The following HIPK2 variants were observed in gnomAD, a reference collection of about 807,000 sequenced individuals.
HIPK2 encodes homeodomain-interacting protein kinase 2.
In HIPK2, 27 loss-of-function variants were observed where a neutral mutation model predicts 113.7. The ratio of observed to expected loss-of-function variants is 0.24; its 90% CI spans 0.17 to 0.33. The LOEUF (loss-of-function observed/expected upper bound fraction) is 0.33, where lower values mean the gene tolerates loss of function less well. Among genes scored for constraint, HIPK2 ranks in the 10% least tolerant of loss-of-function variants. The pLI is 1.00. For missense variants in HIPK2, 1,257 were observed against 1,588.0 expected (o/e 0.79, Z 3.54); for synonymous variants, 631 against 642.2 (o/e 0.98, Z 0.26).
intron 2 of HIPK2, among the ~76,000 whole-genome samples, chr7:139,656,606 T>C (rs1222217216): frequency 6.6e-6 from 1 of 152,166 alleles, no homozygotes; most frequent in Non-Finnish European, 1.5e-5. Context: ...TCCCACAGCT[T>C]TCCTCAAGAA....
At chr7:139,596,385 T>C (rs145200015) in intron 12 of HIPK2, among the ~76,000 whole-genome samples, 1 of 152,202 alleles carries the variant, frequency 6.6e-6, no homozygotes, top group Admixed American at 6.5e-5. Context: ...ATAAATTCAC[T>C]AGCTTGAGGC....
At chr7:139,626,391 C>T (rs1800431196) in intron 6 of HIPK2, among the ~76,000 whole-genome samples, 1 of 152,166 alleles carries the variant, frequency 6.6e-6, no homozygotes, top group Non-Finnish European at 1.5e-5. Context: ...GCATGAGACA[C>T]CACGCCCAGC....
chr7:139,572,786 C>CCCT lies in HIPK2; in HGVS notation c.*140_*141insAGG. On this transcript the variant is annotated 3_prime_UTR_variant, in exon 15 of 15. Coordinates refer to ENST00000406875, the MANE Select transcript of HIPK2 (RefSeq NM_022740.5). ...TCTGCCCCCCCCCCCCCCCCCGCCCCTGCCCCGTTTGCATTGTTTGTGTGC... is the reference window on the plus strand; with the variant it reads ...TCTGCCCCCCCCCCCCCCCCCGCCCCCCTTGCCCCGTTTGCATTGTTTGTGTGC... 1 of 212,826 alleles carries CCCT rather than the reference C, an allele frequency of 4.7e-6. No homozygotes were observed. Among genetic ancestry groups the CCCT allele is most frequent in the Non-Finnish European group, 8.9e-6 (1 of 112,786 alleles). 13.2% of individuals were successfully genotyped at this position (212,826 alleles called of 1,614,324 possible).
rs1798345088 is a variant in HIPK2, at chr7:139,572,910, TC to T, written c.*16del. ...GCCATTCTCTCCCTCCCTCCCTCCC[TC>T]CCTCCCCTCCAGTGTTTATATGTAA... On this transcript the variant is annotated 3_prime_UTR_variant, in exon 15 of 15. Transcript: ENST00000406875. 1 of 217,222 alleles carries T rather than the reference TC, an allele frequency of 4.6e-6. No homozygotes were observed. Among genetic ancestry groups the T allele is most frequent in the South Asian group, 4.8e-5 (1 of 20,714 alleles). The allele number at this position is 217,222 out of a possible 1,614,324, so 13.5% of individuals were successfully genotyped here.
rs1033644045 is a variant in HIPK2 at position 139,631,914 on chromosome 7, G to A, written c.1104-189C>T. 2 of 252,356 alleles carry A rather than the reference G, an allele frequency of 7.9e-6. No individual in the cohort carries two copies. The highest frequency in any genetic ancestry group is 4.7e-5 in the African/African-American group (2 of 42,982). The allele number at this position is 252,356 out of a possible 1,614,324, so 15.6% of individuals were successfully genotyped here. A position where few individuals can be genotyped will look rare whatever the true frequency, so the allele number is the denominator to read the frequency against. On this transcript the variant is annotated intron_variant, in intron 2 of 14. Coordinates refer to ENST00000406875, the MANE Select transcript of HIPK2 (RefSeq NM_022740.5). This position sits in a 1 kb window ranked among gnomAD's most constrained non-coding sequence, Gnocchi z 4.9. ...TGGCTTGGTCCCCTCCATTAGTGGA[G>A]GGCCCACTTGGAAGGTTGGCTGAGA... is the stretch of plus-strand genomic sequence containing the variant.
chr7:139,653,760 T>TCTCG (rs1231431007), intron 2 of HIPK2, among the ~76,000 whole-genome samples: 1 of 150,842 alleles, frequency 6.6e-6, no homozygotes, highest in African/African-American at 2.4e-5. Flanking sequence ...TGAGATGGAG[T>TCTCG]CTCGCTCTGT....
intron 2 of HIPK2, among the ~76,000 whole-genome samples, chr7:139,706,416 G>A (rs1231340969): frequency 4.6e-5 from 7 of 152,170 alleles, no homozygotes; most frequent in South Asian, 2.1e-4. Flanking sequence ...GAGGGTTTCC[G>A]GTGGGTGACG....
rs1316586391 is a variant in HIPK2, at chr7:139,716,851, G to A, written c.184C>T (p.Pro62Ser). Residue 62 changes from proline (P) to serine (S), a missense_variant, in exon 2 of 15, where the codon CCA becomes TCA. Coordinates refer to ENST00000406875, the MANE Select transcript of HIPK2 (RefSeq NM_022740.5). The surrounding 1 kb of genome is among the most constrained non-coding windows in gnomAD (Gnocchi z 9.3). ...SQSKNIPLSQ[P>S]ATTTVSTSLP... ...GAGGTGCTGACGGTTGTGGTGGCTG[G>A]CTGCGACAGGGGGATGTTCTTGCTC... 2 of 1,613,772 alleles carry A rather than the reference G, an allele frequency of 1.2e-6. No individual in the cohort carries two copies. The highest frequency in any genetic ancestry group is 2.7e-5 in the African/African-American group (2 of 74,870).
At chr7:139,600,103 C>T (rs1799366112) in intron 11 of HIPK2, among the ~76,000 whole-genome samples, 1 of 152,156 alleles carries the variant, frequency 6.6e-6, no homozygotes, top group African/African-American at 2.4e-5. Context: ...CGACACCCCC[C>T]AACCCTGCCT....
intron 2 of HIPK2, among the ~76,000 whole-genome samples, chr7:139,660,877 C>T (rs1369250274): frequency 6.6e-6 from 1 of 152,168 alleles, no homozygotes; most frequent in Non-Finnish European, 1.5e-5. Flanking sequence ...GGTATGAGCA[C>T]AAAAGGGGAG....
At chr7:139,688,962 A>G (rs1442764607) in intron 2 of HIPK2, among the ~76,000 whole-genome samples, 1 of 152,212 alleles carries the variant, frequency 6.6e-6, no homozygotes, top group African/African-American at 2.4e-5. Flanking sequence ...TTCCAGTCTT[A>G]CTAAGAGTTT....
In HIPK2 at chr7:139,600,610, G is replaced by A. The variant is rs766822131; in HGVS notation, c.2256-14C>T. The A allele has an allele frequency of 4.3e-6, 7 of 1,612,770 alleles. No individual in the cohort carries two copies. Among genetic ancestry groups the A allele is most frequent in the Admixed American group, 3.3e-5 (2 of 59,974 alleles). ...GCATGCGTATTTCTGAAAGGCAACC[G>A]GGACAACAAGGTGCCTTAGAGGTGT... is the stretch of plus-strand genomic sequence containing the variant. On this transcript the variant is annotated splice_polypyrimidine_tract_variant and intron_variant, in intron 10 of 14. Coordinates refer to ENST00000406875, the MANE Select transcript of HIPK2 (RefSeq NM_022740.5).
intron 1 of HIPK2, among the ~76,000 whole-genome samples, chr7:139,769,383 C>G (rs1178988651): frequency 6.6e-6 from 1 of 152,220 alleles, no homozygotes; most frequent in Admixed American, 6.5e-5. Context: ...CTATTATACC[C>G]AGGCCAGTAA....
chr7:139,572,729 T>A lies in HIPK2; in HGVS notation c.*198A>T. The A allele has an allele frequency of 2.0e-6, 1 of 500,292 alleles. No individual in the cohort carries two copies. Among genetic ancestry groups the A allele is most frequent in the Non-Finnish European group, 3.4e-6 (1 of 291,270 alleles). The allele number at this position is 500,292 out of a possible 1,614,324, so 31.0% of individuals were successfully genotyped here. Reference sequence around the variant, plus strand: ...ACGTCCTCCCACTTCCCGGTTCAAGTTTCACTGGTGTCCCGACCCGTCCCC... The same window carrying A: ...ACGTCCTCCCACTTCCCGGTTCAAGATTCACTGGTGTCCCGACCCGTCCCC... On this transcript the variant is annotated 3_prime_UTR_variant, in exon 15 of 15. Coordinates refer to ENST00000406875, the MANE Select transcript of HIPK2 (RefSeq NM_022740.5).
intron 2 of HIPK2, among the ~76,000 whole-genome samples, chr7:139,684,695 C>A (rs760008296): frequency 5.3e-5 from 8 of 152,112 alleles, no homozygotes; most frequent in Non-Finnish European, 1.2e-4. Flanking sequence ...CCAGCCTGGA[C>A]AACAGAGAGA....
At chr7:139,634,395 G>A (rs1157092563) in intron 2 of HIPK2, among the ~76,000 whole-genome samples, 1 of 151,984 alleles carries the variant, frequency 6.6e-6, no homozygotes, top group Non-Finnish European at 1.5e-5. Flanking sequence ...ATTGTCAGGG[G>A]CCACTCTTAC....
At chr7:139,668,126 C>CAAA (rs35566561) in intron 2 of HIPK2, among the ~76,000 whole-genome samples, 3 of 55,658 alleles carry the variant, frequency 5.4e-5, no homozygotes, top group South Asian at 1.0e-3. Context: ...AACTCCATCT[C>CAAA]AAAAAAAAAA....
chr7:139,753,462 C>T (rs10281682), intron 1 of HIPK2, among the ~76,000 whole-genome samples: 9,596 of 152,040 alleles, frequency 0.063, 1,018 homozygotes, highest in African/African-American at 0.22. Context: ...TGGGAGTGGA[C>T]GAGGAGAAGG....
chr7:139,752,217 C>T (rs1035851870), intron 1 of HIPK2, among the ~76,000 whole-genome samples: 1 of 152,202 alleles, frequency 6.6e-6, no homozygotes, highest in Non-Finnish European at 1.5e-5. Flanking sequence ...CAGCCCCCCA[C>T]CCCACAGGGG....
Sources: allele counts gnomAD v4.1 joint callset (sites outside exome capture counted in the v4.1 genomes callset), GRCh38; gene constraint gnomAD v4.1.1; non-coding constraint Gnocchi (gnomAD v3.1); transcripts MANE v1.5; gene names NCBI Gene and HGNC (gene_info 2026-07-23, HGNC 2026-07-21).